The following GSDME variants were observed in gnomAD, a reference collection of about 807,000 sequenced individuals.
GSDME encodes gasdermin E.
Under a neutral mutation model 47.5 loss-of-function variants are expected in GSDME, and 44 were observed. That is an observed-to-expected ratio of 0.93 (90% CI 0.73 to 1.19). The LOEUF (loss-of-function observed/expected upper bound fraction) is 1.19, where lower values mean the gene tolerates loss of function less well. Among genes scored for constraint, GSDME ranks in the 50% most tolerant of loss-of-function variants. GSDME has a pLI of 0.00. For missense variants in GSDME, 663 were observed against 604.2 expected (o/e 1.10, Z -1.02); for synonymous variants, 258 against 252.8 (o/e 1.02, Z -0.20).
chr7:24,712,647 G>A lies in GSDME; in HGVS notation c.698-2259C>T, dbSNP rs1363357887. Among the ~76,000 whole-genome samples the A allele has an allele frequency of 6.6e-6, 1 of 152,208 alleles. No individual in the cohort carries two copies. The highest frequency in any genetic ancestry group is 1.5e-5 in the Non-Finnish European group (1 of 68,034). On this transcript the variant is annotated intron_variant, in intron 5 of 9. Coordinates refer to ENST00000645220, the MANE Select transcript of GSDME (RefSeq NM_001127453.2). This position sits in a 1 kb window ranked among gnomAD's most constrained non-coding sequence, Gnocchi z 4.4. Reference sequence around the variant, plus strand: ...AACAGGGCTGAGGCCAGAGTGACCAGCGGGTGGAGGGGAGGAAAAACATCT... The same window carrying A: ...AACAGGGCTGAGGCCAGAGTGACCAACGGGTGGAGGGGAGGAAAAACATCT...
chr7:24,749,746 A>T lies in GSDME; in HGVS notation c.29T>A (p.Leu10His). ...GTCACCATCAGCATCAACTTCTCTA[A>T]GAAAATTCCTGGTTGCTTTGGCAAA... Reference protein sequence around the residue: MFAKATRNFLREVDADGDLI... With the variant: MFAKATRNFHREVDADGDLI... Residue 10 changes from leucine to histidine, a missense_variant, in exon 2 of 10, where the codon CTT becomes CAT. Physicochemically the swap from Leu to His is moderately conservative, Grantham distance 99. Coordinates refer to ENST00000645220, the MANE Select transcript of GSDME (RefSeq NM_001127453.2). 3 of 1,614,142 alleles carry T rather than the reference A, an allele frequency of 1.9e-6. No homozygotes were observed. The highest frequency in any genetic ancestry group is 2.5e-6 in the Non-Finnish European group (3 of 1,180,006).
At position 24,698,931 on chromosome 7, in the gene GSDME, C is replaced by G; in HGVS notation, c.*95G>C. The stretch of plus-strand genomic sequence containing the variant: ...CACTTCTTAAACTGTTCTGTAAATT[C>G]ATTTCATTGGTCAACTTTTAACGTG... On this transcript the variant is annotated 3_prime_UTR_variant, in exon 10 of 10. Coordinates refer to ENST00000645220, the MANE Select transcript of GSDME (RefSeq NM_001127453.2). 1.1e-6 allele frequency: 1 copy of G among 893,940 alleles called. No individual in the cohort carries two copies. The highest frequency in any genetic ancestry group is 1.8e-6 in the Non-Finnish European group (1 of 547,398). 55.4% of individuals were successfully genotyped at this position (893,940 alleles called of 1,614,324 possible).
At chr7:24,788,085 C>T in the GSDME span, among the ~76,000 whole-genome samples, 7 of 152,326 alleles carry the variant, frequency 4.6e-5, no homozygotes, top group East Asian at 1.2e-3. This position sits in a 1 kb window ranked among gnomAD's most constrained non-coding sequence, Gnocchi z 4.6. Flanking sequence ...ACAAATTCTA[C>T]CCTCTCCAAG....
intron 2 of GSDME, among the ~76,000 whole-genome samples, chr7:24,746,224 C>G (rs933278584): frequency 6.6e-6 from 1 of 152,162 alleles, no homozygotes; most frequent in Non-Finnish European, 1.5e-5. Context: ...AAAAATTTAT[C>G]CTATTCATGG....
At chr7:24,711,245 T>G (rs1479614085) in intron 5 of GSDME, among the ~76,000 whole-genome samples, 2 of 152,166 alleles carry the variant, frequency 1.3e-5, no homozygotes, top group Admixed American at 6.5e-5. Flanking sequence ...TTTTTGTTCT[T>G]TTTGAGACAG....
the GSDME span, among the ~76,000 whole-genome samples, chr7:24,774,537 ATATT>A: frequency 2.6e-5 from 4 of 151,334 alleles, no homozygotes; most frequent in South Asian, 4.2e-4. Flanking sequence ...AATTAATTAT[ATATT>A]TATTTATTTA....
chr7:24,789,203 T>C, the GSDME span, among the ~76,000 whole-genome samples: 2 of 152,204 alleles, frequency 1.3e-5, no homozygotes, highest in South Asian at 2.1e-4. Flanking sequence ...ATGAGTTAAT[T>C]ATTCATAAGG....
the GSDME span, among the ~76,000 whole-genome samples, chr7:24,785,234 G>A: frequency 6.6e-6 from 1 of 152,144 alleles, no homozygotes. Context: ...CATGTGGTCT[G>A]CAGAGCCTAA....
intron 1 of GSDME, among the ~76,000 whole-genome samples, chr7:24,750,330 A>G (rs2128066153): frequency 6.6e-6 from 1 of 152,348 alleles, no homozygotes; most frequent in African/African-American, 2.4e-5. Context: ...AGAATCCAGA[A>G]GGCAGACTGG....
chr7:24,699,211 A>G lies in GSDME; in HGVS notation c.1306T>C (p.Leu436=), dbSNP rs772301212. 3.7e-6 allele frequency: 6 copies of G among 1,614,100 alleles called. No individual in the cohort carries two copies. Among genetic ancestry groups the G allele is most frequent in the African/African-American group, 1.3e-5 (1 of 74,930 alleles). The change falls in exon 10 of 10, where the codon TTG becomes CTG. Residue 436 remains leucine, a synonymous_variant. Coordinates refer to ENST00000645220, the MANE Select transcript of GSDME (RefSeq NM_001127453.2). ...CTTTCTGTATCTTTCAGGGGAGTCA[A>G]GGTTGGGTCTTCAAGATCAGATACT... ...DGVSDLEDPT[L]TPLKDTERFG...
chr7:24,767,642 A>T, the GSDME span, among the ~76,000 whole-genome samples: 1 of 151,976 alleles, frequency 6.6e-6, no homozygotes, highest in African/African-American at 2.4e-5. This position sits in a 1 kb window ranked among gnomAD's most constrained non-coding sequence, Gnocchi z 5.3. Context: ...TTTCTACTAA[A>T]GTTTTTGTCA....
rs1159267743 is a variant in GSDME, at chr7:24,705,215, G to C, written c.1183+969C>G. The C allele has an allele frequency of 6.6e-6, 1 of 152,190 alleles. No individual in the cohort carries two copies. Among genetic ancestry groups the C allele is most frequent in the Non-Finnish European group, 1.5e-5 (1 of 68,046 alleles). 9.4% of individuals were successfully genotyped at this position (152,190 alleles called of 1,614,324 possible). A position where few individuals can be genotyped will look rare whatever the true frequency, so the allele number is the denominator to read the frequency against. On this transcript the variant is annotated intron_variant, in intron 8 of 9. Coordinates refer to ENST00000645220, the MANE Select transcript of GSDME (RefSeq NM_001127453.2). The surrounding 1 kb of genome is among the most constrained non-coding windows in gnomAD (Gnocchi z 4.1). ...CCTGTTCTGAAAGACTCTAATACCC[G>C]GATGTTAACATTGGGAGAAAGTCTC...
intron 3 of GSDME, among the ~76,000 whole-genome samples, chr7:24,729,433 G>C (rs193107778): frequency 6.6e-6 from 1 of 152,260 alleles, no homozygotes; most frequent in Non-Finnish European, 1.5e-5. Flanking sequence ...CCACAACAAA[G>C]GAGGCAGGGC....
chr7:24,779,941 A>G, the GSDME span, among the ~76,000 whole-genome samples: 1 of 152,252 alleles, frequency 6.6e-6, no homozygotes, highest in Non-Finnish European at 1.5e-5. The surrounding 1 kb of genome is among the most constrained non-coding windows in gnomAD (Gnocchi z 6.0). Context: ...TCCCACGCCC[A>G]TTCTGAAGGC....
At position 24,735,630 on chromosome 7, in the gene GSDME, C is replaced by T. The variant is rs776845102; in HGVS notation, c.404+8932G>A. ...AAAAGTAGCCGGGCGTGGTGGTGGG[C>T]GCCTGTAATCCCAACTACTCAGGAG... On this transcript the variant is annotated intron_variant, in intron 3 of 9. Transcript: ENST00000645220. This position sits in a 1 kb window ranked among gnomAD's most constrained non-coding sequence, Gnocchi z 4.4. 2.6e-4 allele frequency among the ~76,000 whole-genome samples: 39 copies of T among 151,806 alleles called. No homozygotes were observed. Among genetic ancestry groups the T allele is most frequent in the East Asian group, 1.9e-4 (1 of 5,176 alleles).
Position 24,735,888 on chromosome 7 carries a change from T to G in GSDME, c.404+8674A>C, listed in dbSNP as rs957391733. Reference sequence around the variant, plus strand: ...GAAAAAGTTAAGCCGGGGGACAAAGTTAAGGCGTGGAGTTTGTATTCATTT... The same window carrying G: ...GAAAAAGTTAAGCCGGGGGACAAAGGTAAGGCGTGGAGTTTGTATTCATTT... On this transcript the variant is annotated intron_variant, in intron 3 of 9. Transcript: ENST00000645220. This position sits in a 1 kb window ranked among gnomAD's most constrained non-coding sequence, Gnocchi z 4.4. Among the ~76,000 whole-genome samples, 3 of 151,900 alleles carry G rather than the reference T, an allele frequency of 2.0e-5. No individual in the cohort carries two copies. Among genetic ancestry groups the G allele is most frequent in the Non-Finnish European group, 4.4e-5 (3 of 67,968 alleles).
In GSDME at chr7:24,744,471, C is replaced by A. The variant is rs908066199; in HGVS notation, c.404+91G>T. The A allele has an allele frequency of 2.0e-5, 27 of 1,357,226 alleles. No homozygotes were observed. The highest frequency in any genetic ancestry group is 3.3e-5 in the Admixed American group (2 of 59,708). 84.1% of individuals were successfully genotyped at this position (1,357,226 alleles called of 1,614,324 possible). A position where few individuals can be genotyped will look rare whatever the true frequency, so the allele number is the denominator to read the frequency against. On this transcript the variant is annotated intron_variant, in intron 3 of 9. Coordinates refer to ENST00000645220, the MANE Select transcript of GSDME (RefSeq NM_001127453.2). This position sits in a 1 kb window ranked among gnomAD's most constrained non-coding sequence, Gnocchi z 4.5. ...TACATGTTTATTGATCGGCAGAGAT[C>A]AAATCTGTCGCCCTTTTAACAAAGG...
chr7:24,710,847 T>C (rs1417648213), intron 5 of GSDME, among the ~76,000 whole-genome samples: 1 of 152,206 alleles, frequency 6.6e-6, no homozygotes, highest in Admixed American at 6.5e-5. Context: ...CTATAATATA[T>C]AGAATAATAT....
chr7:24,706,889 G>A (rs938142520), intron 7 of GSDME, among the ~76,000 whole-genome samples: 8 of 152,338 alleles, frequency 5.3e-5, no homozygotes, highest in African/African-American at 9.6e-5. Flanking sequence ...GTCCAGATCC[G>A]ATCATCTGAA....
Sources: allele counts gnomAD v4.1 joint callset (sites outside exome capture counted in the v4.1 genomes callset), GRCh38; gene constraint gnomAD v4.1.1; non-coding constraint Gnocchi (gnomAD v3.1); transcripts MANE v1.5; gene names NCBI Gene and HGNC (gene_info 2026-07-23, HGNC 2026-07-21).